The following NAV2 variants were observed in gnomAD, a reference collection of about 807,000 sequenced individuals.
NAV2 encodes the protein helicase, APC down-regulated 1.
NAV2 carries 54 observed loss-of-function variants against 223.2 expected under a neutral mutation model. The ratio of observed to expected loss-of-function variants is 0.24; its 90% CI spans 0.19 to 0.30. The LOEUF (loss-of-function observed/expected upper bound fraction) is 0.30, where lower values mean the gene tolerates loss of function less well. Among genes scored for constraint, NAV2 ranks in the 10% least tolerant of loss-of-function variants. The probability of loss-of-function intolerance (pLI) is 1.00; values close to 1 mark genes in which losing one functional copy is unlikely to be tolerated. For synonymous variants in NAV2, 1,279 were observed against 1,239.3 expected (o/e 1.03, Z -0.67); for missense variants, 2,806 against 3,147.5 (o/e 0.89, Z 2.60).
rs577512125 is a variant in NAV2, at chr11:20,101,646, T to C, written c.6417+474T>C. Among the ~76,000 whole-genome samples the C allele has an allele frequency of 9.1e-4, 139 of 152,282 alleles. 1 individual carries two copies. Among genetic ancestry groups the C allele is most frequent in the African/African-American group, 3.1e-3 (129 of 41,550 alleles). On this transcript the variant is annotated intron_variant, in intron 32 of 37. Transcript: ENST00000349880. ...ATTTTACAGAGAAGGAAACAGAGGC[T>C]TGAAGCAGATTGGTCCTGCACCTAA...
rs370051848 is a variant in NAV2, at chr11:20,045,608, G to A, written c.3840G>A (p.Pro1280=). The change falls in exon 14 of 38, where the codon CCG becomes CCA. Residue 1280 remains proline, a synonymous_variant. Transcript: ENST00000349880. ...VNPAAQPVSS[P]AQTSLQPGAK... is the part of the protein sequence containing the mutation. ...CGGCAGCCCAGCCTGTGTCCAGTCC[G>A]GCTCAGACCAGTCTCCAGCCTGGAG... 4.5e-5 allele frequency: 73 copies of A among 1,614,074 alleles called. No individual in the cohort carries two copies. Among genetic ancestry groups the A allele is most frequent in the Admixed American group, 2.3e-4 (14 of 60,002 alleles).
upstream of NAV2, among the ~76,000 whole-genome samples, chr11:19,708,465 C>T (rs1479969021): frequency 6.6e-6 from 1 of 152,148 alleles, no homozygotes; most frequent in African/African-American, 2.4e-5. Flanking sequence ...CCCAAGATCC[C>T]TGCATTTTTT....
chr11:19,691,216 G>A (rs961689453), intron 1 of NAV2, among the ~76,000 whole-genome samples: 3 of 151,766 alleles, frequency 2.0e-5, no homozygotes, highest in Admixed American at 6.6e-5. Context: ...GGCAAGCCAT[G>A]TATGTAGTTT....
chr11:19,785,292 G>C (rs2057023335), intron 1 of NAV2, among the ~76,000 whole-genome samples: 1 of 152,212 alleles, frequency 6.6e-6, no homozygotes, highest in Non-Finnish European at 1.5e-5. Flanking sequence ...CCTGCAGCCT[G>C]TTTCAATGCA....
At chr11:19,776,286 A>C (rs1004269111) in intron 1 of NAV2, among the ~76,000 whole-genome samples, 1 of 152,206 alleles carries the variant, frequency 6.6e-6, no homozygotes, top group African/African-American at 2.4e-5. Context: ...GGTCACTGCC[A>C]GATGAGAGGA....
At chr11:19,723,053 T>G (rs569626326) in intron 1 of NAV2, among the ~76,000 whole-genome samples, 3 of 152,206 alleles carry the variant, frequency 2.0e-5, no homozygotes, top group Non-Finnish European at 4.4e-5. Flanking sequence ...GATAACACCA[T>G]GGGCTTTGGC....
intron 1 of NAV2, among the ~76,000 whole-genome samples, chr11:19,794,362 CCTCT>C: frequency 6.6e-6 from 1 of 152,302 alleles, no homozygotes; most frequent in Admixed American, 6.5e-5. Context: ...TTTCTCACTT[CCTCT>C]CTGAGAGCCT....
chr11:20,049,808 C>T (rs1270004532), intron 15 of NAV2, 28 bp from the exon 16 acceptor site: 1 of 1,610,464 alleles, frequency 6.2e-7, no homozygotes, highest in African/African-American at 1.3e-5. Context: ...CGTTCCTTCT[C>T]TTGTTTTCTA....
At chr11:19,379,813 C>T (rs900920367) in intron 1 of NAV2, among the ~76,000 whole-genome samples, 1 of 152,122 alleles carries the variant, frequency 6.6e-6, no homozygotes, top group Non-Finnish European at 1.5e-5. Flanking sequence ...GCAATCCAGC[C>T]ACGTAATTCT....
intron 1 of NAV2, among the ~76,000 whole-genome samples, chr11:19,816,473 C>T (rs1005713297): frequency 5.3e-5 from 8 of 152,356 alleles, no homozygotes; most frequent in East Asian, 1.9e-4. Flanking sequence ...CTGTCCGTTA[C>T]CCCTCCCTGA....
chr11:19,662,192 G>GA (rs890160476), intron 1 of NAV2, among the ~76,000 whole-genome samples: 1 of 151,956 alleles, frequency 6.6e-6, no homozygotes, highest in African/African-American at 2.4e-5. Flanking sequence ...AAAATTAATA[G>GA]AAAAAAAGGT....
intron 1 of NAV2, among the ~76,000 whole-genome samples, chr11:19,385,753 C>CTTTTTTTTTTTTTTTTTTTTTTTTTTT (rs201669772): frequency 8.9e-6 from 1 of 112,770 alleles, no homozygotes; most frequent in Non-Finnish European, 1.8e-5. Context: ...AATATAGCTC[C>CTTTTTTTTTTTTTTTTTTTTTTTTTTT]TTTTTTTTTT....
intron 1 of NAV2, among the ~76,000 whole-genome samples, chr11:19,770,006 A>T (rs993283557): frequency 6.6e-6 from 1 of 152,162 alleles, no homozygotes; most frequent in African/African-American, 2.4e-5. Context: ...AAACAAAACC[A>T]CACCAACCCT....
chr11:19,741,707 ATATATAT>A (rs1204883172), intron 1 of NAV2, among the ~76,000 whole-genome samples: 2 of 139,938 alleles, frequency 1.4e-5, no homozygotes, highest in African/African-American at 5.8e-5. Context: ...ATATATATAT[ATATATAT>A]ATATATATAT....
chr11:19,745,128 C>T (rs1348998823), intron 1 of NAV2, among the ~76,000 whole-genome samples: 1 of 152,182 alleles, frequency 6.6e-6, no homozygotes, highest in Non-Finnish European at 1.5e-5. Flanking sequence ...GTCCAGTAGT[C>T]ATGTGGGACA....
chr11:19,580,796 C>T lies in NAV2; in HGVS notation c.75+229769C>T, dbSNP rs77663450. Reference sequence around the variant, plus strand: ...TGTGAACAAGATTTTCTCTTGGGAACACACTTAGGAGTAAAACTGCTGAGT... The same window carrying T: ...TGTGAACAAGATTTTCTCTTGGGAATACACTTAGGAGTAAAACTGCTGAGT... On this transcript the variant is annotated intron_variant, in intron 1 of 37. Transcript: ENST00000360655. 9.5e-3 allele frequency among the ~76,000 whole-genome samples: 1,443 copies of T among 152,272 alleles called. 12 individuals are homozygous for T. The highest frequency in any genetic ancestry group is 0.039 in the South Asian group (189 of 4,818).
At chr11:19,762,854 C>T (rs537054116) in intron 1 of NAV2, among the ~76,000 whole-genome samples, 12 of 152,140 alleles carry the variant, frequency 7.9e-5, no homozygotes, top group East Asian at 5.8e-4. Flanking sequence ...CCTTGTGATC[C>T]GCCCGCCTCA....
intron 6 of NAV2, among the ~76,000 whole-genome samples, chr11:19,919,869 C>T (rs2044128008): frequency 6.6e-6 from 1 of 152,156 alleles, no homozygotes; most frequent in Non-Finnish European, 1.5e-5. Context: ...CACGGTGGCT[C>T]ACGCCTGTAA....
At chr11:20,077,109 T>C (rs909490187) in intron 22 of NAV2, among the ~76,000 whole-genome samples, 2 of 152,182 alleles carry the variant, frequency 1.3e-5, no homozygotes, top group Non-Finnish European at 2.9e-5. Flanking sequence ...TCCATTGTAG[T>C]AGAGAAGACA....
Sources: allele counts gnomAD v4.1 joint callset (sites outside exome capture counted in the v4.1 genomes callset), GRCh38; gene constraint gnomAD v4.1.1; transcripts MANE v1.5; gene names NCBI Gene and HGNC (gene_info 2026-07-23, HGNC 2026-07-21).